GTPBP6: variants seen among roughly 807,000 people sequenced by gnomAD.
GTPBP6 encodes GTP binding protein 6.
GTPBP6 carries 33 observed loss-of-function variants against 28.9 expected under a neutral mutation model. The observed-to-expected ratio is 1.14, with a 90% CI of 0.87 to 1.53. The LOEUF (loss-of-function observed/expected upper bound fraction) is 1.53, where lower values mean the gene tolerates loss of function less well. Among genes scored for constraint, GTPBP6 ranks in the 40% most tolerant of loss-of-function variants. GTPBP6 has a pLI of 0.00. For missense variants in GTPBP6, 507 were observed against 408.3 expected, an observed-to-expected ratio of 1.24 and a Z score of -2.08; for synonymous variants, 231 against 192.7, an observed-to-expected ratio of 1.20 and a Z score of -1.65.
At chrX:312,526 C>T in intron 6 of GTPBP6, 1 of 693,730 alleles carries the variant, frequency 1.4e-6, no homozygotes, top group Non-Finnish European at 2.6e-6. Context: ...TAGATGACAT[C>T]CTCACCTTGG....
chrX:306,219 A>G (rs953371298), intron 9 of GTPBP6, among the ~76,000 whole-genome samples: 10 of 150,266 alleles, frequency 6.7e-5, no homozygotes, highest in Admixed American at 5.3e-4. Context: ...TTGACTGTCA[A>G]GCGCAGATTA....
chrX:314,209 A>C, exon 5 of GTPBP6: 1 of 1,613,136 alleles, frequency 6.2e-7, no homozygotes. Context: ...GTCCCTTTTC[A>C]AGTTCGACCT....
intron 2 of GTPBP6, among the ~76,000 whole-genome samples, chrX:316,465 G>C (rs1158762397): frequency 2.0e-5 from 3 of 152,144 alleles, no homozygotes; most frequent in Non-Finnish European, 4.4e-5. Context: ...CCCCACCTGG[G>C]CAAGTGAGTA....
chrX:307,572 G>T, intron 8 of GTPBP6, 60 bp from the exon 9 acceptor site: 1 of 1,569,346 alleles, frequency 6.4e-7, no homozygotes, highest in East Asian at 2.3e-5. Context: ...ACGAAATCAG[G>T]GTCCCCAGGA....
At chrX:312,044 G>T in intron 6 of GTPBP6, 1 of 458,736 alleles carries the variant, frequency 2.2e-6, no homozygotes, top group Admixed American at 2.5e-5. Context: ...CAGTGGTGCC[G>T]GTGTTGACAG....
chrX:308,959 A>T (rs1461696330), intron 7 of GTPBP6, among the ~76,000 whole-genome samples: 2 of 151,924 alleles, frequency 1.3e-5, no homozygotes, highest in African/African-American at 4.8e-5. Context: ...TCCTGACCTG[A>T]AGTGATCCAC....
chrX:318,513 G>C (rs2070482409), exon 1 of GTPBP6: 3 of 398,374 alleles, frequency 7.5e-6, no homozygotes, highest in Admixed American at 4.4e-5. Context: ...GGTCCCCGCC[G>C]GCAGCAGAGG....
chrX:315,120 G>A (rs1342163932), intron 3 of GTPBP6, 100 bp from the exon 4 acceptor site: 35 of 398,606 alleles, frequency 8.8e-5, no homozygotes, highest in African/African-American at 1.4e-4. Flanking sequence ...TAACCCCACC[G>A]TGTCCCCATC....
intron 1 of GTPBP6, 81 bp downstream of exon 1, chrX:318,358 A>G (rs2070478995): frequency 3.0e-6 from 1 of 338,402 alleles, no homozygotes; most frequent in African/African-American, 3.0e-5. Context: ...CTGAATCTCC[A>G]CCTATGAGCC....
At chrX:308,349 G>A (rs2070216668) in intron 7 of GTPBP6, among the ~76,000 whole-genome samples, 5 of 152,096 alleles carry the variant, frequency 3.3e-5, no homozygotes, top group South Asian at 4.1e-4. Context: ...AAATAAAGCC[G>A]TGTGTAATTC....
chrX:318,666 C>A (rs2070484985), exon 1 of GTPBP6: 3 of 395,726 alleles, frequency 7.6e-6, no homozygotes. Context: ...GGGGCTCCTG[C>A]GGCCGACAGC....
At chrX:318,163 T>C (rs1416464307) in intron 1 of GTPBP6, among the ~76,000 whole-genome samples, 2 of 146,286 alleles carry the variant, frequency 1.4e-5, no homozygotes, top group African/African-American at 2.6e-5. Context: ...TCTCTACCTA[T>C]GAGCCTCCCC....
At chrX:317,149 C>T in intron 1 of GTPBP6, 98 bp from the exon 2 acceptor site, 1 of 398,352 alleles carries the variant, frequency 2.5e-6, no homozygotes. Flanking sequence ...AGACAATCTC[C>T]CCGGAGAAGG....
intron 2 of GTPBP6, among the ~76,000 whole-genome samples, chrX:315,614 C>T: frequency 7.4e-6 from 1 of 134,518 alleles, no homozygotes; most frequent in East Asian, 2.2e-4. Context: ...GGGACAGACA[C>T]AGACACACAG....
rs1206216802 is a variant in GTPBP6, at chrX:318,764, T to C, written c.24A>G (p.Val8=). 44 of 311,680 alleles carry C rather than the reference T, an allele frequency of 1.4e-4. No homozygotes were observed. The East Asian group carries it at 2.2e-3, about 16-fold the overall frequency. 19.3% of individuals were successfully genotyped at this position (311,680 alleles called of 1,614,324 possible). The change falls in exon 1 of 10, where the codon GTA becomes GTG. Residue 8 remains valine (V), a synonymous_variant. Coordinates refer to ENST00000326153, the Ensembl canonical transcript of GTPBP6. ...CGCGGGAGAGCCGCAGCCCCGGGCG[T>C]ACGGCGGCCCGCAGGGCCCACATGG...
At chrX:313,866 T>C (rs1048980086) in intron 5 of GTPBP6, among the ~76,000 whole-genome samples, 1 of 152,030 alleles carries the variant, frequency 6.6e-6, no homozygotes, top group Non-Finnish European at 1.5e-5. Flanking sequence ...CATAGATCTC[T>C]GCTGTTTAAA....
chrX:314,482 T>C (rs2070387920), intron 4 of GTPBP6, among the ~76,000 whole-genome samples: 1 of 151,126 alleles, frequency 6.6e-6, no homozygotes, highest in South Asian at 2.1e-4. Flanking sequence ...TCTTCTTTTT[T>C]TTTTTTTTTA....
chrX:315,120 G>GTGTCCCCATC lies in GTPBP6; in HGVS notation c.558+99_559-101dup, dbSNP rs1325674681. ...ACGTCTCTAATGCCTTAACCCCACC[G>GTGTCCCCATC]TGTCCCCATCTGTCCCCATCTGTCC... On this transcript the variant is annotated intron_variant, in intron 3 of 9. Transcript: ENST00000326153. The GTGTCCCCATC allele has an allele frequency of 6.7e-4, 269 of 398,722 alleles. 4 individuals carry two copies. The highest frequency in any genetic ancestry group is 1.0e-3 in the South Asian group (8 of 7,870). The allele number at this position is 398,722 out of a possible 1,614,324, so 24.7% of individuals were successfully genotyped here.
At chrX:311,721 C>G in intron 6 of GTPBP6, 94 bp from the exon 7 acceptor site, 1 of 1,038,990 alleles carries the variant, frequency 9.6e-7, no homozygotes. Flanking sequence ...CCACGGCACC[C>G]TCTGGGGGGC....
Sources: allele counts gnomAD v4.1 joint callset (sites outside exome capture counted in the v4.1 genomes callset), GRCh38; gene constraint gnomAD v4.1.1; transcripts MANE v1.5; gene names NCBI Gene and HGNC (gene_info 2026-07-23, HGNC 2026-07-21).